EFCAB6: variants seen among roughly 807,000 people sequenced by gnomAD.
The protein encoded by EFCAB6 is EF-hand calcium binding domain 6, also known as EF-hand calcium-binding domain-containing protein 6.
Under a neutral mutation model 169.8 loss-of-function variants are expected in EFCAB6, and 156 were observed. The observed-to-expected ratio is 0.92, with a 90% CI of 0.81 to 1.05. The LOEUF (loss-of-function observed/expected upper bound fraction) is 1.05, where lower values mean the gene tolerates loss of function less well. EFCAB6 is among the 50% of genes least tolerant of loss of function. EFCAB6 has a pLI of 0.00. For synonymous variants in EFCAB6, 698 were observed against 676.4 expected, an observed-to-expected ratio of 1.03 and a Z score of -0.50; for missense variants, 1,800 against 1,829.1, an observed-to-expected ratio of 0.98 and a Z score of 0.29.
At chr22:43,631,468 C>T (rs915128609) in intron 19 of EFCAB6, among the ~76,000 whole-genome samples, 2 of 152,152 alleles carry the variant, frequency 1.3e-5, no homozygotes, top group African/African-American at 4.8e-5. Flanking sequence ...CCCGGCCTGG[C>T]TCAGGCTGCC....
chr22:43,697,288 T>G (rs1266538537), intron 10 of EFCAB6, among the ~76,000 whole-genome samples: 1 of 152,174 alleles, frequency 6.6e-6, no homozygotes, highest in East Asian at 1.9e-4. Flanking sequence ...ATGGAGCCAT[T>G]AAAAATTAAT....
intron 3 of EFCAB6, among the ~76,000 whole-genome samples, chr22:43,773,710 G>T (rs1236411869): frequency 1.3e-5 from 2 of 152,196 alleles, no homozygotes; most frequent in Non-Finnish European, 2.9e-5. Context: ...AGCTGGGTGT[G>T]GTGGCACATG....
intron 2 of EFCAB6, among the ~76,000 whole-genome samples, chr22:43,803,321 T>C (rs529254031): frequency 6.6e-6 from 1 of 152,334 alleles, no homozygotes; most frequent in Admixed American, 6.5e-5. Context: ...GCTTGGGTCA[T>C]GAAAAGTTGT....
chr22:43,574,779 T>C (rs557080918), intron 26 of EFCAB6, among the ~76,000 whole-genome samples: 5 of 152,330 alleles, frequency 3.3e-5, no homozygotes, highest in African/African-American at 1.2e-4. Flanking sequence ...AGGTCATTTG[T>C]AGACAACGAG....
intron 6 of EFCAB6, among the ~76,000 whole-genome samples, chr22:43,745,028 A>G (rs1279943420): frequency 6.6e-6 from 1 of 152,212 alleles, no homozygotes; most frequent in African/African-American, 2.4e-5. Flanking sequence ...CTATGGGACA[A>G]GAGAGGGAGA....
chr22:43,577,678 A>G (rs2147267647), intron 25 of EFCAB6, among the ~76,000 whole-genome samples: 1 of 152,242 alleles, frequency 6.6e-6, no homozygotes, highest in South Asian at 2.1e-4. Flanking sequence ...AAGGAGAACG[A>G]TCATAAGAAT....
At chr22:43,641,409 A>G (rs1035096189) in intron 17 of EFCAB6, among the ~76,000 whole-genome samples, 1 of 152,156 alleles carries the variant, frequency 6.6e-6, no homozygotes, top group Non-Finnish European at 1.5e-5. Flanking sequence ...TGAGGTCAGG[A>G]GTTCAAGACC....
At chr22:43,733,455 A>G (rs865784463) in intron 7 of EFCAB6, among the ~76,000 whole-genome samples, 13 of 152,258 alleles carry the variant, frequency 8.5e-5, no homozygotes, top group Middle Eastern at 3.4e-3. Context: ...ACAACACTCA[A>G]TGGGTTTTGA....
intron 10 of EFCAB6, among the ~76,000 whole-genome samples, chr22:43,709,536 A>T (rs538355458): frequency 1.3e-5 from 2 of 152,224 alleles, no homozygotes; most frequent in Admixed American, 6.5e-5. Flanking sequence ...TTTCTATTTT[A>T]AAAAACACAA....
At chr22:43,679,065 T>C (rs749181476) in intron 12 of EFCAB6, among the ~76,000 whole-genome samples, 1 of 152,206 alleles carries the variant, frequency 6.6e-6, no homozygotes, top group African/African-American at 2.4e-5. Flanking sequence ...CTTTAATACA[T>C]TTAAAGCATT....
Position 43,687,515 on chromosome 22 carries a change from C to T in EFCAB6, c.1098G>A (p.Gln366=), listed in dbSNP as rs774608153. 1 of 1,605,404 alleles carries T rather than the reference C, an allele frequency of 6.2e-7. No homozygotes were observed. Among genetic ancestry groups the T allele is most frequent in the Non-Finnish European group, 8.5e-7 (1 of 1,177,056 alleles). Residue 366 remains glutamine, a synonymous_variant, in exon 11 of 32, where the codon CAG becomes CAA. Coordinates refer to ENST00000262726, the MANE Select transcript of EFCAB6 (RefSeq NM_022785.4). The part of the protein sequence containing the change: ...KQFLTSFHEP[Q]GLQVSSKGPL... ...GACCTTTACTGCTAACTTGCAACCC[C>T]TGAGGCTCATGAAATGATGTTAGAA...
chr22:43,544,848 T>G (rs1417089148), intron 27 of EFCAB6, among the ~76,000 whole-genome samples: 1 of 151,854 alleles, frequency 6.6e-6, no homozygotes, highest in Non-Finnish European at 1.5e-5. Context: ...CAGTGCTGGG[T>G]GCAGTGGGTC....
chr22:43,728,777 T>A (rs2059831179), intron 8 of EFCAB6, among the ~76,000 whole-genome samples: 1 of 152,264 alleles, frequency 6.6e-6, no homozygotes, highest in African/African-American at 2.4e-5. Context: ...CTTGTAAATT[T>A]GTTTAAGTTC....
chr22:43,778,332 G>C (rs1398595060), intron 3 of EFCAB6, among the ~76,000 whole-genome samples: 2 of 152,222 alleles, frequency 1.3e-5, no homozygotes, highest in South Asian at 4.1e-4. Context: ...GGCTAGAGGA[G>C]AGCTGAGTGA....
chr22:43,736,013 T>C lies in EFCAB6; in HGVS notation c.508-20A>G, dbSNP rs767509241. The C allele has an allele frequency of 3.1e-6, 5 of 1,592,098 alleles. No homozygotes were observed. Among genetic ancestry groups the C allele is most frequent in the Non-Finnish European group, 4.3e-6 (5 of 1,171,894 alleles). On this transcript the variant is annotated intron_variant, in intron 6 of 31. Transcript: ENST00000262726. ...GAAAACCTATGTACAAAAAGTGATT[T>C]AGGAAAAGTCAAAAGATCTAGTGTT... is the stretch of plus-strand genomic sequence containing the variant.
chr22:43,740,832 TTGTC>T (rs2060342269), intron 6 of EFCAB6, among the ~76,000 whole-genome samples: 1 of 152,162 alleles, frequency 6.6e-6, no homozygotes. Flanking sequence ...TCTCTGCACT[TTGTC>T]TGCTGCCAAA....
At chr22:43,530,309 G>T (rs541783760) in intron 31 of EFCAB6, among the ~76,000 whole-genome samples, 2 of 152,352 alleles carry the variant, frequency 1.3e-5, no homozygotes, top group African/African-American at 4.8e-5. Context: ...GAAAACCACT[G>T]CGGGGTGTTT....
intron 17 of EFCAB6, 117 bp from the exon 18 acceptor site, chr22:43,635,333 T>G: frequency 1.3e-6 from 1 of 759,732 alleles, no homozygotes; most frequent in Non-Finnish European, 2.3e-6. Context: ...GTTATTTGTC[T>G]GACCCCACCC....
chr22:43,668,063 C>CT (rs949138770), intron 16 of EFCAB6, among the ~76,000 whole-genome samples: 4 of 152,318 alleles, frequency 2.6e-5, no homozygotes, highest in Admixed American at 2.6e-4. Context: ...GCAAACATAT[C>CT]TTATCATGGA....
Sources: gnomAD v4.1 joint callset for allele counts (sites outside exome capture counted in the v4.1 genomes callset) on GRCh38, gnomAD v4.1.1 for gene constraint, MANE v1.5 for transcripts, NCBI Gene and HGNC (gene_info 2026-07-23, HGNC 2026-07-21) for gene names.